Variants in RBM33 observed in about 807,000 individuals in gnomAD.
RBM33 encodes the protein RNA-binding protein 33.
A neutral mutation model predicts 132.6 loss-of-function variants in RBM33; 28 were observed. The observed-to-expected ratio is 0.21, with a 90% CI of 0.16 to 0.29. The LOEUF (loss-of-function observed/expected upper bound fraction) is 0.29. Among genes scored for constraint, RBM33 ranks in the 10% least tolerant of loss-of-function variants. The pLI is 1.00. For missense variants in RBM33, 1,291 were observed against 1,518.5 expected (o/e 0.85, Z 2.49); for synonymous variants, 634 against 593.0 (o/e 1.07, Z -1.01).
chr7:155,710,310 A>G (rs2116975185), intron 7 of RBM33, among the ~76,000 whole-genome samples: 1 of 152,268 alleles, frequency 6.6e-6, no homozygotes, highest in Non-Finnish European at 1.5e-5. Flanking sequence ...TCTCCTTTCC[A>G]GCTACTTGAT....
intron 3 of RBM33, 140 bp from the exon 4 acceptor site, chr7:155,678,468 C>A: frequency 1.8e-6 from 1 of 563,550 alleles, no homozygotes; most frequent in Non-Finnish European, 3.2e-6. Context: ...CTTGATTATC[C>A]ACTGGTGACC....
At chr7:155,752,713 G>A (rs1479869620) in intron 14 of RBM33, among the ~76,000 whole-genome samples, 1 of 152,136 alleles carries the variant, frequency 6.6e-6, no homozygotes, top group East Asian at 1.9e-4. Context: ...TCAGCACTTC[G>A]GTTGGGGTTA....
chr7:155,720,373 G>A (rs1800585236), intron 9 of RBM33, among the ~76,000 whole-genome samples: 1 of 152,154 alleles, frequency 6.6e-6, no homozygotes, highest in African/African-American at 2.4e-5. Context: ...ATCATGAAAT[G>A]TGTATTTTTT....
intron 2 of RBM33, among the ~76,000 whole-genome samples, chr7:155,672,203 C>T (rs575800407): frequency 1.3e-3 from 196 of 151,024 alleles, no homozygotes; most frequent in South Asian, 5.2e-3. Context: ...TCTTTTCCTT[C>T]TTCATTAAGG....
intron 4 of RBM33, among the ~76,000 whole-genome samples, chr7:155,679,137 A>C (rs1312761666): frequency 1.3e-5 from 2 of 152,124 alleles, no homozygotes; most frequent in Admixed American, 1.3e-4. Flanking sequence ...GTGCCACTGC[A>C]CTCCAGCCTG....
intron 1 of RBM33, 82 bp downstream of exon 1, chr7:155,645,001 G>A (rs1007593484): frequency 9.2e-7 from 1 of 1,085,576 alleles, no homozygotes; most frequent in Middle Eastern, 2.0e-4. Flanking sequence ...CCCCGCTTAG[G>A]AGAGGACGAG....
At chr7:155,650,673 C>T (rs1016974955) in intron 1 of RBM33, among the ~76,000 whole-genome samples, 1 of 152,090 alleles carries the variant, frequency 6.6e-6, no homozygotes, top group Non-Finnish European at 1.5e-5. Flanking sequence ...TGGAAGAACT[C>T]TTTTCTCCAG....
At chr7:155,666,681 C>T (rs142071251) in intron 2 of RBM33, among the ~76,000 whole-genome samples, 1 of 152,098 alleles carries the variant, frequency 6.6e-6, no homozygotes, top group Admixed American at 6.5e-5. Flanking sequence ...TTTGGAGTTC[C>T]TCTTTGAATG....
chr7:155,703,403 CAT>C (rs1046614972), intron 6 of RBM33, among the ~76,000 whole-genome samples: 27 of 152,228 alleles, frequency 1.8e-4, no homozygotes, highest in African/African-American at 6.0e-4. Context: ...TAGCTATAAA[CAT>C]ATACAGCTTG....
intron 12 of RBM33, among the ~76,000 whole-genome samples, 187 bp downstream of exon 12, chr7:155,740,213 C>T (rs191545621): frequency 1.9e-3 from 291 of 152,314 alleles, no homozygotes; most frequent in Non-Finnish European, 3.8e-3. Flanking sequence ...TTCTTGACTA[C>T]AAGAATTGAT....
intron 6 of RBM33, among the ~76,000 whole-genome samples, chr7:155,702,017 C>T (rs1799980505): frequency 6.6e-6 from 1 of 152,152 alleles, no homozygotes; most frequent in Non-Finnish European, 1.5e-5. Flanking sequence ...AGTTCCCATG[C>T]AATGCTGCTC....
chr7:155,733,398 A>G (rs1359584540), intron 9 of RBM33, among the ~76,000 whole-genome samples: 2 of 90,784 alleles, frequency 2.2e-5, no homozygotes, highest in Non-Finnish European at 4.4e-5. Context: ...TTTCTTGAAT[A>G]TTGAAATCCC....
chr7:155,759,301 T>C (rs1236053524), intron 14 of RBM33, among the ~76,000 whole-genome samples: 6 of 152,200 alleles, frequency 3.9e-5, no homozygotes, highest in Admixed American at 3.9e-4. Context: ...TTTTTCAGAG[T>C]TCTTATCTGA....
intron 13 of RBM33, among the ~76,000 whole-genome samples, chr7:155,744,022 A>T (rs10282444): frequency 0.24 from 36,921 of 152,108 alleles, 4,766 homozygotes; most frequent in African/African-American, 0.33. Context: ...TGCTTCCAGG[A>T]CGACAAGTAA....
chr7:155,752,015 A>G (rs1001570096), intron 14 of RBM33, among the ~76,000 whole-genome samples: 28 of 152,198 alleles, frequency 1.8e-4, no homozygotes, highest in Non-Finnish European at 1.0e-4. Flanking sequence ...ACTTTATGCA[A>G]TGAACTGTCA....
intron 14 of RBM33, among the ~76,000 whole-genome samples, chr7:155,750,509 AGTGTTT>A (rs1365360103): frequency 5.3e-5 from 8 of 152,130 alleles, no homozygotes; most frequent in Non-Finnish European, 1.2e-4. Context: ...TAGTCTTTGA[AGTGTTT>A]GCATCTTGGT....
At chr7:155,696,372 G>A (rs1432240611) in intron 5 of RBM33, among the ~76,000 whole-genome samples, 1 of 152,136 alleles carries the variant, frequency 6.6e-6, no homozygotes, top group Non-Finnish European at 1.5e-5. Flanking sequence ...TGTTAATAAT[G>A]ACAGTTTTAA....
At chr7:155,682,337 CTTG>C (rs1209722040) in intron 5 of RBM33, among the ~76,000 whole-genome samples, 2 of 152,160 alleles carry the variant, frequency 1.3e-5, no homozygotes, top group East Asian at 3.8e-4. Flanking sequence ...TCATGGGGAA[CTTG>C]TTATTTCCAT....
At chr7:155,645,202 C>T (rs535176879) in intron 1 of RBM33, 21 of 365,102 alleles carry the variant, frequency 5.8e-5, no homozygotes, top group Non-Finnish European at 9.4e-5. Context: ...CGTTGGCGGG[C>T]ATTAAGTGCC....
Sources: gnomAD v4.1 joint callset for allele counts (sites outside exome capture counted in the v4.1 genomes callset) on GRCh38, gnomAD v4.1.1 for gene constraint, MANE v1.5 for transcripts, NCBI Gene and HGNC (gene_info 2026-07-23, HGNC 2026-07-21) for gene names.